MRRF: variants seen among roughly 807,000 people sequenced by gnomAD.
MRRF encodes ribosome-recycling factor, mitochondrial.
A neutral mutation model predicts 25.1 loss-of-function variants in MRRF; 18 were observed. The ratio of observed to expected loss-of-function variants is 0.72; its 90% CI spans 0.50 to 1.06. MRRF has a LOEUF of 1.06. Among genes scored for constraint, MRRF ranks in the 50% least tolerant of loss-of-function variants. The probability of loss-of-function intolerance (pLI) is 0.00; values close to 1 mark genes in which losing one functional copy is unlikely to be tolerated. For synonymous variants in MRRF, 113 were observed against 112.1 expected, an observed-to-expected ratio of 1.01 and a Z score of -0.05; for missense variants, 323 against 319.3, an observed-to-expected ratio of 1.01 and a Z score of -0.09.
chr9:122,271,091 GT>G lies in MRRF; in HGVS notation c.184+18del. ...AAAGCCAAAGGTAGAGACATGTGACGTTCTCTCCTACTTCACCCCTTTCTTA... is the reference window on the plus strand; with the variant it reads ...AAAGCCAAAGGTAGAGACATGTGACGTCTCTCCTACTTCACCCCTTTCTTA... On this transcript the variant is annotated intron_variant, in intron 2 of 6. Coordinates refer to ENST00000344641, the MANE Select transcript of MRRF (RefSeq NM_138777.5). The G allele has an allele frequency of 6.2e-7, 1 of 1,607,402 alleles. No individual in the cohort carries two copies. Among genetic ancestry groups the G allele is most frequent in the Non-Finnish European group, 8.5e-7 (1 of 1,173,846 alleles).
At chr9:122,303,619 A>G (rs545171935) in intron 5 of MRRF, among the ~76,000 whole-genome samples, 18 of 152,172 alleles carry the variant, frequency 1.2e-4, no homozygotes, top group African/African-American at 2.9e-4. Flanking sequence ...GGCTCAAGCA[A>G]TCCTCACCTC....
intron 5 of MRRF, among the ~76,000 whole-genome samples, chr9:122,299,569 C>T (rs531234651): frequency 1.4e-4 from 21 of 151,864 alleles, no homozygotes; most frequent in South Asian, 1.0e-3. Flanking sequence ...AAGGAGGCCA[C>T]GAAATTAGAT....
chr9:122,305,960 T>C (rs956909455), intron 5 of MRRF, among the ~76,000 whole-genome samples: 2 of 152,214 alleles, frequency 1.3e-5, no homozygotes, highest in East Asian at 1.9e-4. Context: ...TTAGCTAATA[T>C]ACTCGTAACA....
chr9:122,289,752 G>A (rs76964734), intron 4 of MRRF, among the ~76,000 whole-genome samples: 278 of 152,034 alleles, frequency 1.8e-3, no homozygotes, highest in African/African-American at 6.5e-3. Context: ...CAGGCAAGGC[G>A]TGGTGGCTCA....
chr9:122,284,608 G>A (rs1235439856), intron 3 of MRRF, among the ~76,000 whole-genome samples: 1 of 152,164 alleles, frequency 6.6e-6, no homozygotes, highest in Non-Finnish European at 1.5e-5. Flanking sequence ...CCCTGTCACA[G>A]AAAATTCTTC....
At chr9:122,317,846 T>A (rs1458962965) in intron 6 of MRRF, among the ~76,000 whole-genome samples, 1 of 152,170 alleles carries the variant, frequency 6.6e-6, no homozygotes, top group Non-Finnish European at 1.5e-5. Context: ...TGTATAAGAA[T>A]GAAATGATAG....
At chr9:122,304,102 C>A (rs1834668880) in intron 5 of MRRF, among the ~76,000 whole-genome samples, 1 of 151,380 alleles carries the variant, frequency 6.6e-6, no homozygotes, top group South Asian at 2.1e-4. Flanking sequence ...CACACACACC[C>A]TTTAGGGATA....
At chr9:122,318,361 C>T (rs1835668789) in intron 6 of MRRF, among the ~76,000 whole-genome samples, 1 of 152,220 alleles carries the variant, frequency 6.6e-6, no homozygotes, top group Non-Finnish European at 1.5e-5. Context: ...GCCTGCTGAA[C>T]ATTAAAGCAC....
intron 5 of MRRF, among the ~76,000 whole-genome samples, chr9:122,304,513 G>A (rs1171933769): frequency 6.6e-6 from 1 of 152,200 alleles, no homozygotes; most frequent in Non-Finnish European, 1.5e-5. Flanking sequence ...TGAAGAGCAA[G>A]TTGCCACCAA....
chr9:122,319,137 TTC>T (rs1835714527), intron 6 of MRRF, among the ~76,000 whole-genome samples: 1 of 147,514 alleles, frequency 6.8e-6, no homozygotes, highest in Admixed American at 6.7e-5. Flanking sequence ...CTGAACTTCT[TTC>T]TTTCTTTCTT....
chr9:122,297,633 A>G (rs530496737), intron 5 of MRRF, among the ~76,000 whole-genome samples: 12 of 152,314 alleles, frequency 7.9e-5, no homozygotes, highest in Non-Finnish European at 1.3e-4. Flanking sequence ...CCATGTCTCA[A>G]TGATTTTCTA....
At chr9:122,317,270 A>C (rs1021763395) in intron 6 of MRRF, among the ~76,000 whole-genome samples, 1 of 151,948 alleles carries the variant, frequency 6.6e-6, no homozygotes, top group African/African-American at 2.4e-5. Context: ...TTTTTATCTG[A>C]GCTGAAAATG....
chr9:122,306,373 AGTT>A (rs1343812644), intron 5 of MRRF, among the ~76,000 whole-genome samples: 1 of 152,186 alleles, frequency 6.6e-6, no homozygotes, highest in African/African-American at 2.4e-5. Flanking sequence ...ACAATAATTA[AGTT>A]GTTGTAAGAG....
intron 2 of MRRF, among the ~76,000 whole-genome samples, chr9:122,276,828 T>C (rs957901563): frequency 6.6e-6 from 1 of 152,182 alleles, no homozygotes; most frequent in Admixed American, 6.5e-5. Flanking sequence ...AAGGAAGGTA[T>C]ATTGAACTCT....
intron 4 of MRRF, among the ~76,000 whole-genome samples, chr9:122,286,459 C>G (rs1833415410): frequency 1.3e-5 from 2 of 152,136 alleles, no homozygotes; most frequent in South Asian, 4.1e-4. Context: ...AATCCCAGCA[C>G]TTTGGGAGGT....
chr9:122,323,260 C>G lies in MRRF; in HGVS notation c.*643C>G, dbSNP rs1374455787. The G allele has an allele frequency of 6.4e-6, 1 of 157,078 alleles. No homozygotes were observed. Among genetic ancestry groups the G allele is most frequent in the Non-Finnish European group, 1.4e-5 (1 of 70,730 alleles). 9.7% of individuals were successfully genotyped at this position (157,078 alleles called of 1,614,324 possible). A position where few individuals can be genotyped will look rare whatever the true frequency, so the allele number is the denominator to read the frequency against. ...CAGGCCTTGTCTTGGATATCACGTC[C>G]TCTGGGAAGTCTTCTTTTCCCCTCT... is the stretch of plus-strand genomic sequence containing the variant. On this transcript the variant is annotated 3_prime_UTR_variant, in exon 7 of 7. Coordinates refer to ENST00000344641, the MANE Select transcript of MRRF (RefSeq NM_138777.5).
intron 5 of MRRF, among the ~76,000 whole-genome samples, chr9:122,299,246 A>G (rs1317523196): frequency 6.6e-6 from 1 of 151,112 alleles, no homozygotes; most frequent in Non-Finnish European, 1.5e-5. Flanking sequence ...TTACCCAGGC[A>G]TGGTGGCATG....
chr9:122,280,878 A>T (rs772631514), intron 3 of MRRF, among the ~76,000 whole-genome samples: 1 of 152,230 alleles, frequency 6.6e-6, no homozygotes, highest in Non-Finnish European at 1.5e-5. Context: ...CTACTTTGGA[A>T]CTAGGCATTG....
At chr9:122,313,844 T>C (rs188071040) in intron 6 of MRRF, among the ~76,000 whole-genome samples, 32 of 152,306 alleles carry the variant, frequency 2.1e-4, no homozygotes, top group Admixed American at 7.2e-4. Flanking sequence ...GTAGTGGCAC[T>C]TGAATAAGTC....
Sources: allele counts gnomAD v4.1 joint callset (sites outside exome capture counted in the v4.1 genomes callset), GRCh38; gene constraint gnomAD v4.1.1; transcripts MANE v1.5; gene names NCBI Gene and HGNC (gene_info 2026-07-23, HGNC 2026-07-21).